FANCM: variants seen among roughly 807,000 people sequenced by gnomAD.
The protein encoded by FANCM is FA complementation group M, also known as Fanconi anemia group M protein.
FANCM carries 140 observed loss-of-function variants against 199.5 expected under a neutral mutation model. The observed-to-expected ratio is 0.70, with a 90% CI of 0.61 to 0.81. The LOEUF (loss-of-function observed/expected upper bound fraction) is 0.81, where lower values mean the gene tolerates loss of function less well. FANCM is among the 30% of genes least tolerant of loss of function. The pLI is 0.00. For missense variants in FANCM, 2,410 were observed against 2,421.4 expected, an observed-to-expected ratio of 1.00 and a Z score of 0.10; for synonymous variants, 840 against 836.8, an observed-to-expected ratio of 1.00 and a Z score of -0.07.
At chr14:45,164,652 G>A (rs1449654018) in intron 10 of FANCM, 87 bp downstream of exon 10, 2 of 1,011,696 alleles carry the variant, frequency 2.0e-6, no homozygotes, top group East Asian at 5.2e-5. Flanking sequence ...AGCATTCCAA[G>A]TCCAAACACT....
intron 2 of FANCM, among the ~76,000 whole-genome samples, chr14:45,138,585 TAGTG>T (rs1885692568): frequency 6.6e-6 from 1 of 152,166 alleles, no homozygotes; most frequent in South Asian, 2.1e-4. Flanking sequence ...TTGGGCAACA[TAGTG>T]AGACCCTGTG....
At chr14:45,171,618 T>C (rs113463764) in intron 12 of FANCM, among the ~76,000 whole-genome samples, 2 of 152,180 alleles carry the variant, frequency 1.3e-5, no homozygotes, top group African/African-American at 4.8e-5. Context: ...AGAATAATAG[T>C]CTCCAACTCC....
At chr14:45,142,288 T>C (rs369873838) in intron 3 of FANCM, among the ~76,000 whole-genome samples, 6 of 151,750 alleles carry the variant, frequency 4.0e-5, no homozygotes, top group African/African-American at 1.5e-4. Context: ...CCTTCTAATC[T>C]GTGATGGTTC....
intron 3 of FANCM, among the ~76,000 whole-genome samples, chr14:45,146,254 A>AAG (rs1172497169): frequency 6.6e-6 from 1 of 150,830 alleles, no homozygotes; most frequent in East Asian, 2.0e-4. Flanking sequence ...AAAAAAAAAA[A>AAG]AAAAAGGATT....
intron 9 of FANCM, among the ~76,000 whole-genome samples, chr14:45,160,209 G>T (rs1263843590): frequency 6.6e-6 from 1 of 151,244 alleles, no homozygotes; most frequent in Non-Finnish European, 1.5e-5. Flanking sequence ...GGCCAGGGTG[G>T]TCTCAAACTT....
intron 13 of FANCM, among the ~76,000 whole-genome samples, chr14:45,173,655 T>G (rs1452101279): frequency 6.6e-6 from 1 of 152,182 alleles, no homozygotes; most frequent in Non-Finnish European, 1.5e-5. Context: ...AGTGCCTGGG[T>G]TAGAATCCTA....
At chr14:45,182,833 TTAGCC>T (rs1370447387) in intron 16 of FANCM, among the ~76,000 whole-genome samples, 11 of 152,194 alleles carry the variant, frequency 7.2e-5, no homozygotes, top group Non-Finnish European at 1.2e-4. Flanking sequence ...ATATCACAGC[TTAGCC>T]TAGCCTACCT....
chr14:45,185,398 AT>A lies in FANCM; in HGVS notation c.4672+32del, dbSNP rs772659215. On this transcript the variant is annotated intron_variant, in intron 18 of 22. Transcript: ENST00000267430. The stretch of plus-strand genomic sequence containing the variant: ...GGTAAATGTTATAATGATCCTTAAA[AT>A]TTTTTTCAATGTTTTTATGTGCTTA... 5.9e-5 allele frequency: 84 copies of A among 1,420,648 alleles called. 1 individual carries two copies. In the South Asian group the frequency reaches 8.4e-4, roughly 14 times the overall value. 88.0% of individuals were successfully genotyped at this position (1,420,648 alleles called of 1,614,324 possible).
Position 45,200,127 on chromosome 14 carries a change from T to C in FANCM, c.*119T>C. 2.6e-6 allele frequency: 1 copy of C among 381,878 alleles called. No individual in the cohort carries two copies. The highest frequency in any genetic ancestry group is 6.8e-5 in the East Asian group (1 of 14,658). The allele number at this position is 381,878 out of a possible 1,614,324, so 23.7% of individuals were successfully genotyped here. Reference sequence around the variant, plus strand: ...GAATATTTTATTTAAATATTTTATATTGTATACATTTTTATTTATAGATTA... The same window carrying C: ...GAATATTTTATTTAAATATTTTATACTGTATACATTTTTATTTATAGATTA... On this transcript the variant is annotated 3_prime_UTR_variant, in exon 23 of 23. Coordinates refer to ENST00000267430, the MANE Select transcript of FANCM (RefSeq NM_020937.4).
chr14:45,155,511 A>G (rs1021185024), intron 8 of FANCM, 52 bp downstream of exon 8: 1 of 951,844 alleles, frequency 1.1e-6, no homozygotes, highest in South Asian at 1.3e-5. Context: ...GCAAGAGGTA[A>G]AACTTTACTT....
At chr14:45,194,690 C>A (rs377723032) in intron 20 of FANCM, among the ~76,000 whole-genome samples, 1 of 152,102 alleles carries the variant, frequency 6.6e-6, no homozygotes, top group Non-Finnish European at 1.5e-5. Context: ...TAATAAATAG[C>A]CATGTTTGTA....
intron 10 of FANCM, among the ~76,000 whole-genome samples, chr14:45,165,058 A>G (rs932904116): frequency 6.6e-6 from 1 of 152,206 alleles, no homozygotes; most frequent in Non-Finnish European, 1.5e-5. Flanking sequence ...GCTGATGCCT[A>G]TTTTAAGTGA....
At position 45,183,762 on chromosome 14, in the gene FANCM, G is replaced by C. The variant is rs776419214; in HGVS notation, c.4387-12G>C. 2 of 1,599,102 alleles carry C rather than the reference G, an allele frequency of 1.3e-6. No individual in the cohort carries two copies. Among genetic ancestry groups the C allele is most frequent in the Non-Finnish European group, 1.7e-6 (2 of 1,168,456 alleles). On this transcript the variant is annotated splice_polypyrimidine_tract_variant and intron_variant, in intron 16 of 22. Transcript: ENST00000267430. The stretch of plus-strand genomic sequence containing the variant: ...TTTTTTCTTATGCAAGAATTTTGTC[G>C]AATTATTATAGTCAGAATTATCATC...
chr14:45,139,677 A>G (rs371089773), intron 2 of FANCM, among the ~76,000 whole-genome samples: 2 of 152,204 alleles, frequency 1.3e-5, no homozygotes, highest in South Asian at 2.1e-4. Context: ...TAATGAATAC[A>G]CTTAATTTAT....
Position 45,164,444 on chromosome 14 carries a change from A to G in FANCM, c.1667A>G (p.Asp556Gly), listed in dbSNP as rs148810507. The G allele has an allele frequency of 1.0e-4, 163 of 1,613,498 alleles. No individual in the cohort carries two copies. Among genetic ancestry groups the G allele is most frequent in the Middle Eastern group, 8.8e-4 (5 of 5,650 alleles). ...GAAGGTTTGGATATAGGAGAAGTTG[A>G]TCTTATAATATGTTTTGATTCCCAG... The part of the protein sequence containing the change: ...GEEGLDIGEV[D>G]LIICFDSQKS... The change falls in exon 10 of 23, where the codon GAT (aspartate) becomes GGT (glycine). Residue 556 changes from aspartate to glycine, a missense_variant. Asp to Gly is a moderately conservative substitution (Grantham distance 94). Transcript: ENST00000267430.
chr14:45,159,022 T>G lies in FANCM; in HGVS notation c.1397-74T>G. 3 of 920,912 alleles carry G rather than the reference T, an allele frequency of 3.3e-6. No homozygotes were observed. The South Asian group carries it at 4.9e-5, about 15-fold the overall frequency. 57.0% of individuals were successfully genotyped at this position (920,912 alleles called of 1,614,324 possible). A position where few individuals can be genotyped will look rare whatever the true frequency, so the allele number is the denominator to read the frequency against. ...ATTCGTTAGCATTAACACTTTCAGG[T>G]TTGTCTTTTGAACTATTTCTTGTCT... On this transcript the variant is annotated intron_variant, in intron 8 of 22. Coordinates refer to ENST00000267430, the MANE Select transcript of FANCM (RefSeq NM_020937.4).
Position 45,176,137 on chromosome 14 carries a change from C to A in FANCM, c.3383C>A (p.Thr1128Asn). 3.1e-6 allele frequency: 5 copies of A among 1,614,006 alleles called. No individual in the cohort carries two copies. Among genetic ancestry groups the A allele is most frequent in the Non-Finnish European group, 4.2e-6 (5 of 1,179,896 alleles). Residue 1128 changes from threonine (T) to asparagine (N), a missense_variant, in exon 14 of 23, where the codon ACT (threonine) becomes AAT (asparagine). By Grantham distance (65) the Thr-to-Asn change is moderately conservative (BLOSUM62 0). Transcript: ENST00000267430. ...AACAGTGACCTCCCAGTATTGTCCA[C>A]TGATCAAGATGAAAGTTTGCTGTTA... ...VDNSDLPVLS[T>N]DQDESLLLFE... is the part of the protein sequence containing the mutation.
At chr14:45,157,719 T>A (rs759398275) in intron 8 of FANCM, among the ~76,000 whole-genome samples, 10 of 152,204 alleles carry the variant, frequency 6.6e-5, no homozygotes, top group African/African-American at 9.7e-5. Flanking sequence ...AAAAGAAGTT[T>A]GTTTAGAATA....
At chr14:45,140,935 A>T (rs1361992015) in intron 3 of FANCM, among the ~76,000 whole-genome samples, 1 of 152,124 alleles carries the variant, frequency 6.6e-6, no homozygotes, top group East Asian at 1.9e-4. Context: ...GCTACTCCAG[A>T]GGCTGAGTCA....
Sources: allele counts gnomAD v4.1 joint callset (sites outside exome capture counted in the v4.1 genomes callset), GRCh38; gene constraint gnomAD v4.1.1; transcripts MANE v1.5; gene names NCBI Gene and HGNC (gene_info 2026-07-23, HGNC 2026-07-21).